ZSCAN5A: variants seen among roughly 807,000 people sequenced by gnomAD.
ZSCAN5A encodes the protein zinc finger and SCAN domain-containing protein 5A.
Under a neutral mutation model 23.7 loss-of-function variants are expected in ZSCAN5A, and 12 were observed. The ratio of observed to expected loss-of-function variants is 0.51; its 90% CI spans 0.32 to 0.82. ZSCAN5A has a LOEUF of 0.82. ZSCAN5A is among the 40% of genes least tolerant of loss of function. The pLI is 0.03. For missense variants in ZSCAN5A, 597 were observed against 617.9 expected, an observed-to-expected ratio of 0.97 and a Z score of 0.36; for synonymous variants, 257 against 239.9, an observed-to-expected ratio of 1.07 and a Z score of -0.66.
At chr19:56,355,349 A>G (rs2041694802) in intron 2 of ZSCAN5A, among the ~76,000 whole-genome samples, 1 of 148,792 alleles carries the variant, frequency 6.7e-6, no homozygotes, top group African/African-American at 2.5e-5. Flanking sequence ...AAAATGTTCT[A>G]ATATTACAGT....
intron 2 of ZSCAN5A, among the ~76,000 whole-genome samples, chr19:56,235,170 G>A (rs1230495469): frequency 1.8e-5 from 1 of 56,314 alleles, no homozygotes; most frequent in Non-Finnish European, 3.7e-5. Context: ...CTGATTGACC[G>A]TGGGCCAAGT....
chr19:56,266,071 T>G (rs1416584490), intron 2 of ZSCAN5A: 1 of 152,214 alleles, frequency 6.6e-6, no homozygotes, highest in Non-Finnish European at 1.5e-5. Context: ...TTCCAATTAT[T>G]GGCTTTGTTG....
At chr19:56,230,331 G>A (rs989613470) in intron 2 of ZSCAN5A, among the ~76,000 whole-genome samples, 5 of 152,162 alleles carry the variant, frequency 3.3e-5, no homozygotes, top group East Asian at 1.9e-4. Flanking sequence ...TGATCCACCC[G>A]CCTCGGCCTC....
chr19:56,277,206 C>T (rs986130532), intron 2 of ZSCAN5A, among the ~76,000 whole-genome samples: 1 of 152,178 alleles, frequency 6.6e-6, no homozygotes, highest in Non-Finnish European at 1.5e-5. Context: ...ATAAATGAAA[C>T]GTAAGTCCAC....
intron 2 of ZSCAN5A, among the ~76,000 whole-genome samples, chr19:56,262,416 T>TG (rs2037189395): frequency 1.3e-5 from 2 of 148,174 alleles, no homozygotes; most frequent in African/African-American, 5.3e-5. Context: ...CTAATTTTTT[T>TG]TTTTTTGTTT....
chr19:56,323,211 T>C (rs529722807), intron 2 of ZSCAN5A, among the ~76,000 whole-genome samples: 1 of 151,996 alleles, frequency 6.6e-6, no homozygotes, highest in African/African-American at 2.4e-5. Context: ...CTTAAAAATA[T>C]TTTTTGGAGA....
chr19:56,242,789 T>A (rs75825152), intron 2 of ZSCAN5A, among the ~76,000 whole-genome samples: 2 of 28,666 alleles, frequency 7.0e-5, no homozygotes, highest in Admixed American at 6.5e-4. Context: ...TTCTCTCTTT[T>A]TTTTTTGAGA....
intron 2 of ZSCAN5A, among the ~76,000 whole-genome samples, chr19:56,258,569 T>C (rs1600113940): frequency 6.7e-6 from 1 of 149,656 alleles, no homozygotes; most frequent in African/African-American, 2.5e-5. Flanking sequence ...AGACACACTT[T>C]CCAGTGTAGG....
At chr19:56,270,611 C>T (rs1453183274) in intron 2 of ZSCAN5A, among the ~76,000 whole-genome samples, 1 of 152,072 alleles carries the variant, frequency 6.6e-6, no homozygotes, top group African/African-American at 2.4e-5. Context: ...GGTAAAATTC[C>T]TCATTTTAGC....
chr19:56,276,902 T>C (rs923233750), intron 2 of ZSCAN5A, among the ~76,000 whole-genome samples: 5 of 151,980 alleles, frequency 3.3e-5, no homozygotes, highest in Non-Finnish European at 7.4e-5. Flanking sequence ...AAAATATTTA[T>C]ATTTACAAAT....
intron 2 of ZSCAN5A, among the ~76,000 whole-genome samples, chr19:56,341,816 C>A (rs1452736482): frequency 2.1e-5 from 3 of 145,936 alleles, no homozygotes; most frequent in Admixed American, 7.0e-5. Context: ...GCAACAACAA[C>A]AACAAAAAAC....
intron 1 of ZSCAN5A, chr19:56,367,806 T>A (rs1278102115): frequency 3.3e-5 from 5 of 152,056 alleles, no homozygotes; most frequent in African/African-American, 4.8e-5. Flanking sequence ...CAGAGATGCA[T>A]ATAGGGTCAC....
chr19:56,316,558 G>A (rs76194108), upstream of ZSCAN5A: 3,413 of 158,548 alleles, frequency 0.022, 117 homozygotes, highest in African/African-American at 0.073. Context: ...GAGGAGGGGG[G>A]AAAGAGTAGA....
intron 2 of ZSCAN5A, among the ~76,000 whole-genome samples, chr19:56,330,293 A>G (rs2041477765): frequency 6.6e-6 from 1 of 152,244 alleles, no homozygotes; most frequent in Admixed American, 6.5e-5. Flanking sequence ...TGCAATGAAC[A>G]TATGGGTGCA....
At chr19:56,301,833 T>C in intron 2 of ZSCAN5A, 1 of 1,059,436 alleles carries the variant, frequency 9.4e-7, no homozygotes, top group Non-Finnish European at 1.2e-6. Flanking sequence ...ATGGTGGGTG[T>C]GGACCAAAAT....
At chr19:56,285,213 T>C (rs1038038115) in intron 2 of ZSCAN5A, among the ~76,000 whole-genome samples, 2 of 152,376 alleles carry the variant, frequency 1.3e-5, no homozygotes, top group East Asian at 1.9e-4. Context: ...AGCTAGAATT[T>C]TGCCTAATAA....
intron 2 of ZSCAN5A, chr19:56,244,161 C>G (rs781122441): frequency 2.7e-5 from 43 of 1,609,760 alleles, no homozygotes; most frequent in Non-Finnish European, 3.6e-5. Context: ...GACTGGGACC[C>G]TGAGACTTGT....
chr19:56,262,233 G>T (rs1215197410), intron 2 of ZSCAN5A, among the ~76,000 whole-genome samples: 1 of 152,020 alleles, frequency 6.6e-6, no homozygotes, highest in Non-Finnish European at 1.5e-5. Context: ...TGGCCAGGTT[G>T]GTCTGGAACT....
chr19:56,222,450 T>G, intron 5 of ZSCAN5A, 124 bp from the exon 6 acceptor site: 2 of 1,550,996 alleles, frequency 1.3e-6, no homozygotes, highest in Non-Finnish European at 1.7e-6. Context: ...GACATTGGAC[T>G]GTAGGTCTCT....
Sources: allele counts gnomAD v4.1 joint callset (sites outside exome capture counted in the v4.1 genomes callset), GRCh38; gene constraint gnomAD v4.1.1; transcripts MANE v1.5; gene names NCBI Gene and HGNC (gene_info 2026-07-23, HGNC 2026-07-21).